TNFSF8: variants seen among roughly 807,000 people sequenced by gnomAD.
TNFSF8 encodes TNF superfamily member 8, also known as tumor necrosis factor ligand superfamily member 8.
TNFSF8 carries 4 observed loss-of-function variants against 22.0 expected under a neutral mutation model. The observed-to-expected ratio is 0.18, with a 90% CI of 0.09 to 0.42. The LOEUF (loss-of-function observed/expected upper bound fraction) is 0.42, where lower values mean the gene tolerates loss of function less well. Among genes scored for constraint, TNFSF8 ranks in the 10% least tolerant of loss-of-function variants. The pLI, the probability that TNFSF8 is intolerant of heterozygous loss-of-function variation, is 1.00. For synonymous variants in TNFSF8, 106 were observed against 112.5 expected (o/e 0.94, Z 0.37); for missense variants, 233 against 281.8 (o/e 0.83, Z 1.24).
intron 2 of TNFSF8, among the ~76,000 whole-genome samples, chr9:114,906,572 C>A (rs1827788469): frequency 6.6e-6 from 1 of 152,104 alleles, no homozygotes; most frequent in African/African-American, 2.4e-5. Flanking sequence ...CTGTTCTAGG[C>A]TATTTTGCTA....
chr9:114,907,404 C>T (rs1213601242), intron 2 of TNFSF8, among the ~76,000 whole-genome samples: 1 of 152,190 alleles, frequency 6.6e-6, no homozygotes, highest in African/African-American at 2.4e-5. Context: ...AGAACCCCAA[C>T]ACTAATGGCT....
At chr9:114,899,029 C>T (rs1454536004), downstream of TNFSF8, among the ~76,000 whole-genome samples, 2 of 152,158 alleles carry the variant, frequency 1.3e-5, no homozygotes, top group African/African-American at 2.4e-5. Flanking sequence ...AGAACGGATG[C>T]TTCTCCCCCA....
downstream of TNFSF8, among the ~76,000 whole-genome samples, chr9:114,898,326 G>A (rs2131338445): frequency 6.6e-6 from 1 of 152,264 alleles, no homozygotes; most frequent in African/African-American, 2.4e-5. Context: ...TCGTTGGATT[G>A]CTTTGAAGAT....
downstream of TNFSF8, among the ~76,000 whole-genome samples, chr9:114,898,006 A>T (rs1047204421): frequency 6.2e-5 from 9 of 144,722 alleles, no homozygotes; most frequent in East Asian, 2.0e-4. Context: ...AATGATGCCT[A>T]TTTTTTTTTT....
intron 2 of TNFSF8, among the ~76,000 whole-genome samples, chr9:114,914,985 G>A (rs1827901329): frequency 6.6e-6 from 1 of 152,202 alleles, no homozygotes; most frequent in African/African-American, 2.4e-5. Context: ...AGCCACTGCT[G>A]ATTTTCTGCT....
chr9:114,904,121 G>A lies in TNFSF8; in HGVS notation c.515C>T (p.Ala172Val). 6.2e-7 allele frequency: 1 copy of A among 1,614,070 alleles called. No homozygotes were observed. Among genetic ancestry groups the A allele is most frequent in the Non-Finnish European group, 8.5e-7 (1 of 1,179,972 alleles). The change falls in exon 4 of 4, where the codon GCC becomes GTC. Residue 172 changes from alanine to valine, a missense_variant. Transcript: ENST00000223795. Reference sequence around the variant, plus strand: ...TCCAGACTCACACACTGTCACCAGGGCCTGTTTTTTGATATGCTTGTTGAT... The same window carrying A: ...TCCAGACTCACACACTGTCACCAGGACCTGTTTTTTGATATGCTTGTTGAT... ...LLINKHIKKQ[A>V]LVTVCESGMQ...
rs1446180634 is a variant in TNFSF8, at chr9:114,926,932, A to G, written c.195+3177T>C. Reference sequence around the variant, plus strand: ...TCCTAATATAAATATTATAAAATATATCAATATATTATAAAATATTAAATA... The same window carrying G: ...TCCTAATATAAATATTATAAAATATGTCAATATATTATAAAATATTAAATA... On this transcript the variant is annotated intron_variant, in intron 1 of 3. Coordinates refer to ENST00000223795, the MANE Select transcript of TNFSF8 (RefSeq NM_001244.4). 2.7e-5 allele frequency among the ~76,000 whole-genome samples: 4 copies of G among 147,566 alleles called. No individual in the cohort carries two copies. In the East Asian group the frequency reaches 5.8e-4, roughly 22 times the overall value.
Position 114,902,165 on chromosome 9 carries a change from G to A in TNFSF8, c.*1766C>T. ...AAGATGATGTACAGATGCCAAGTTG[G>A]ATATAGCTAGAGAAATCTCATGGCT... On this transcript the variant is annotated 3_prime_UTR_variant, in exon 4 of 4. Transcript: ENST00000223795. 1 of 985,360 alleles carries A rather than the reference G, an allele frequency of 1.0e-6. No homozygotes were observed. The highest frequency in any genetic ancestry group is 1.2e-6 in the Non-Finnish European group (1 of 829,922). The allele number at this position is 985,360 out of a possible 1,614,324, so 61.0% of individuals were successfully genotyped here.
intron 2 of TNFSF8, 30 bp from the exon 3 acceptor site, chr9:114,905,929 G>A (rs750899904): frequency 6.6e-7 from 1 of 1,512,886 alleles, no homozygotes; most frequent in Non-Finnish European, 9.2e-7. Flanking sequence ...GCATTAAAAT[G>A]TCTTTTGCCG....
chr9:114,910,108 A>T (rs1056759005), intron 2 of TNFSF8, among the ~76,000 whole-genome samples: 3 of 152,216 alleles, frequency 2.0e-5, no homozygotes, highest in African/African-American at 7.2e-5. Context: ...TCAGCTTTGT[A>T]AATCATCTTT....
At chr9:114,918,927 G>A (rs1305440130) in intron 1 of TNFSF8, among the ~76,000 whole-genome samples, 2 of 152,018 alleles carry the variant, frequency 1.3e-5, no homozygotes, top group African/African-American at 4.8e-5. Flanking sequence ...CCAATCTGGT[G>A]CTTTTCCCCC....
At chr9:114,895,935 A>G (rs928322899) in intron 4 of TNFSF8, among the ~76,000 whole-genome samples, 3 of 152,238 alleles carry the variant, frequency 2.0e-5, no homozygotes, top group Admixed American at 2.0e-4. Flanking sequence ...AATATTCCCA[A>G]GGGAGACAGT....
chr9:114,894,957 C>A (rs970631528), intron 4 of TNFSF8, among the ~76,000 whole-genome samples: 5 of 152,114 alleles, frequency 3.3e-5, no homozygotes, highest in Admixed American at 2.6e-4. Context: ...CTGTGCCATG[C>A]GCTGACTGCA....
chr9:114,899,995 G>A (rs765433636), downstream of TNFSF8, among the ~76,000 whole-genome samples: 1 of 152,196 alleles, frequency 6.6e-6, no homozygotes, highest in African/African-American at 2.4e-5. Flanking sequence ...GTGTGTAACA[G>A]CAAAAACCTA....
At chr9:114,915,711 T>C (rs1051103911) in intron 2 of TNFSF8, among the ~76,000 whole-genome samples, 1 of 152,144 alleles carries the variant, frequency 6.6e-6, no homozygotes, top group African/African-American at 2.4e-5. Context: ...GCTCACAGGG[T>C]TGAGGTGAGA....
At chr9:114,897,005 C>T (rs1240940702), downstream of TNFSF8, among the ~76,000 whole-genome samples, 2 of 152,060 alleles carry the variant, frequency 1.3e-5, no homozygotes, top group Admixed American at 1.3e-4. Context: ...TGGGTTCAAG[C>T]GATTCTCCTG....
At chr9:114,918,875 AG>A (rs1458386575) in intron 1 of TNFSF8, among the ~76,000 whole-genome samples, 4 of 152,204 alleles carry the variant, frequency 2.6e-5, no homozygotes, top group Non-Finnish European at 5.9e-5. Flanking sequence ...CTGGGATTAC[AG>A]GTGTGAGCTA....
intron 1 of TNFSF8, among the ~76,000 whole-genome samples, 172 bp from the exon 2 acceptor site, chr9:114,918,310 A>C (rs1371461344): frequency 6.6e-6 from 1 of 152,060 alleles, no homozygotes; most frequent in Non-Finnish European, 1.5e-5. Flanking sequence ...CTTTCTATCC[A>C]TTTGTTTGAC....
chr9:114,914,506 A>T (rs1827893315), intron 2 of TNFSF8, among the ~76,000 whole-genome samples: 1 of 152,230 alleles, frequency 6.6e-6, no homozygotes, highest in Non-Finnish European at 1.5e-5. Context: ...AGTGATGAGG[A>T]GAAGGATGAG....
Sources: allele counts gnomAD v4.1 joint callset (sites outside exome capture counted in the v4.1 genomes callset), GRCh38; gene constraint gnomAD v4.1.1; transcripts MANE v1.5; gene names NCBI Gene and HGNC (gene_info 2026-07-23, HGNC 2026-07-21).